CADM1: variants seen among roughly 807,000 people sequenced by gnomAD.
CADM1 encodes the protein TSLC-1.
Under a neutral mutation model 53.1 loss-of-function variants are expected in CADM1, and 15 were observed. The observed-to-expected ratio is 0.28, with a 90% confidence interval of 0.19 to 0.44. The LOEUF (loss-of-function observed/expected upper bound fraction) is 0.44, where lower values mean the gene tolerates loss of function less well. CADM1 is among the 20% of genes least tolerant of loss of function. The pLI is 1.00. For missense variants in CADM1, 434 were observed against 611.3 expected (o/e 0.71, Z 3.06); for synonymous variants, 281 against 243.0 (o/e 1.16, Z -1.45).
chr11:115,407,777 G>T (rs185236033), intron 1 of CADM1, among the ~76,000 whole-genome samples: 86 of 149,602 alleles, frequency 5.7e-4, no homozygotes, highest in African/African-American at 1.8e-3. Context: ...AGCCAAGGAA[G>T]GAGGGTCACC....
At chr11:115,413,999 A>G (rs1409420400) in intron 1 of CADM1, among the ~76,000 whole-genome samples, 2 of 152,050 alleles carry the variant, frequency 1.3e-5, no homozygotes, top group African/African-American at 2.4e-5. Context: ...TTCCACCATC[A>G]GTCTCATGAT....
In CADM1 at chr11:115,345,093, T is replaced by C. The variant is rs114108898; in HGVS notation, c.125-104673A>G. On this transcript the variant is annotated intron_variant, in intron 1 of 11. Coordinates refer to ENST00000331581, the MANE Select transcript of CADM1 (RefSeq NM_001301043.2). ...TGGGCTGCAACAGGCCTAGGCTGTC[T>C]AGGGACAGCAAACAATTTGGTCCCC... 5.1e-3 allele frequency among the ~76,000 whole-genome samples: 783 copies of C among 152,250 alleles called. 10 individuals carry two copies. The highest frequency in any genetic ancestry group is 0.018 in the African/African-American group (751 of 41,562).
chr11:115,223,756 T>C (rs1941490768), intron 5 of CADM1, among the ~76,000 whole-genome samples: 1 of 152,180 alleles, frequency 6.6e-6, no homozygotes, highest in African/African-American at 2.4e-5. Context: ...ATAGTCCTTA[T>C]AATATCAGGA....
intron 1 of CADM1, among the ~76,000 whole-genome samples, chr11:115,278,208 C>T (rs1440803602): frequency 6.6e-6 from 1 of 151,950 alleles, no homozygotes; most frequent in Admixed American, 6.6e-5. Context: ...GCCCTGTGAA[C>T]TAAGATGAGA....
At chr11:115,389,294 AAACAAC>A (rs761025579) in intron 1 of CADM1, among the ~76,000 whole-genome samples, 3 of 152,202 alleles carry the variant, frequency 2.0e-5, no homozygotes, top group Admixed American at 6.5e-5. Flanking sequence ...TAAAAAATGT[AAACAAC>A]AACAACAGAC....
In CADM1 at chr11:115,204,703, T is replaced by G. The variant is rs10128745; in HGVS notation, c.1078+4871A>C. On this transcript the variant is annotated intron_variant, in intron 8 of 11. Transcript: ENST00000331581. ...TACCTAAGGAACTAAAAACATGTGT[T>G]CTGGTGTCAAGTTTCCCCACTTGGG... 4.8e-3 allele frequency among the ~76,000 whole-genome samples: 731 copies of G among 152,322 alleles called. 6 individuals are homozygous for G. The highest frequency in any genetic ancestry group is 0.017 in the African/African-American group (702 of 41,562).
At chr11:115,340,626 T>TTATA (rs869156485) in intron 1 of CADM1, among the ~76,000 whole-genome samples, 915 of 48,076 alleles carry the variant, frequency 0.019, 61 homozygotes, top group Non-Finnish European at 0.021. Context: ...ATAATAAATA[T>TTATA]TATATATATA....
chr11:115,438,531 A>C (rs1173086878), intron 1 of CADM1, among the ~76,000 whole-genome samples: 1 of 152,136 alleles, frequency 6.6e-6, no homozygotes, highest in Non-Finnish European at 1.5e-5. Flanking sequence ...ATGTAAAAAA[A>C]AATAGAAGAA....
intron 1 of CADM1, among the ~76,000 whole-genome samples, chr11:115,384,712 G>C (rs1751450993): frequency 6.6e-6 from 1 of 152,176 alleles, no homozygotes; most frequent in South Asian, 2.1e-4. Flanking sequence ...TTGTGATAAG[G>C]CATTTCTATC....
intron 1 of CADM1, among the ~76,000 whole-genome samples, chr11:115,424,768 T>C (rs45486494): frequency 1.2e-3 from 189 of 152,124 alleles, no homozygotes; most frequent in Admixed American, 2.9e-3. Context: ...TCAAATGATC[T>C]GCCCACCTCG....
chr11:115,254,593 C>CACACAG (rs1491508599), intron 1 of CADM1, among the ~76,000 whole-genome samples: 25 of 136,418 alleles, frequency 1.8e-4, no homozygotes, highest in African/African-American at 7.0e-4. Flanking sequence ...CACACACACA[C>CACACAG]AGAGACAACA....
intron 5 of CADM1, among the ~76,000 whole-genome samples, chr11:115,227,491 T>C (rs186291416): frequency 4.8e-4 from 73 of 152,298 alleles, no homozygotes; most frequent in African/African-American, 1.7e-3. Context: ...AAGGAGCTAA[T>C]GTATTATTAA....
chr11:115,417,784 T>C (rs1220342301), intron 1 of CADM1, among the ~76,000 whole-genome samples: 1 of 152,210 alleles, frequency 6.6e-6, no homozygotes, highest in Non-Finnish European at 1.5e-5. Flanking sequence ...TTAATCTTTT[T>C]GGATCATGTT....
chr11:115,262,848 A>C (rs1278920317), intron 1 of CADM1, among the ~76,000 whole-genome samples: 1 of 152,098 alleles, frequency 6.6e-6, no homozygotes, highest in Admixed American at 6.5e-5. Flanking sequence ...CTTACAGAAA[A>C]GTTGCAAAAA....
intron 1 of CADM1, among the ~76,000 whole-genome samples, chr11:115,316,721 C>T (rs1428132924): frequency 3.3e-5 from 5 of 152,088 alleles, no homozygotes. Context: ...AAAATCTCTC[C>T]TTAAGGCCCT....
intron 9 of CADM1, 166 bp from the exon 10 acceptor site, chr11:115,191,107 G>A (rs946922384): frequency 4.0e-5 from 25 of 622,484 alleles, no homozygotes; most frequent in Non-Finnish European, 1.4e-5. Flanking sequence ...CTTCAATTAT[G>A]TAATTTTGTT....
At chr11:115,205,134 T>C (rs954206157) in intron 8 of CADM1, among the ~76,000 whole-genome samples, 2 of 152,172 alleles carry the variant, frequency 1.3e-5, no homozygotes, top group Non-Finnish European at 2.9e-5. Flanking sequence ...GACCTCCAGG[T>C]TGAACTCCTC....
intron 1 of CADM1, among the ~76,000 whole-genome samples, chr11:115,360,995 T>C (rs1432549251): frequency 6.6e-6 from 1 of 152,210 alleles, no homozygotes; most frequent in Non-Finnish European, 1.5e-5. Context: ...TCAAACTATG[T>C]TTTAAACTAT....
rs1303808547 is a variant in CADM1, at chr11:115,223,162, C to T, written c.722-5171G>A. ...TTAAAAAATAAATAAAATCAGATCA[C>T]GAGTTCCCGTTAGTCCTCATCACAG... is the stretch of plus-strand genomic sequence containing the variant. On this transcript the variant is annotated intron_variant, in intron 5 of 11. Coordinates refer to ENST00000331581, the MANE Select transcript of CADM1 (RefSeq NM_001301043.2). Among the ~76,000 whole-genome samples the T allele has an allele frequency of 2.0e-5, 3 of 152,158 alleles. No homozygotes were observed. The South Asian group carries it at 6.2e-4, about 31-fold the overall frequency.
Sources: allele counts gnomAD v4.1 joint callset (sites outside exome capture counted in the v4.1 genomes callset), GRCh38; gene constraint gnomAD v4.1.1; transcripts MANE v1.5; gene names NCBI Gene and HGNC (gene_info 2026-07-23, HGNC 2026-07-21).